Variants in SCAPER observed in about 807,000 individuals in gnomAD.
SCAPER encodes the protein S phase cyclin A-associated protein in the endoplasmic reticulum.
SCAPER carries 98 observed loss-of-function variants against 182.2 expected under a neutral mutation model. The observed-to-expected ratio is 0.54, with a 90% CI of 0.46 to 0.64. The LOEUF (loss-of-function observed/expected upper bound fraction) is 0.64. SCAPER is among the 30% of genes least tolerant of loss of function. SCAPER has a pLI of 0.00. For missense variants in SCAPER, 1,432 were observed against 1,690.0 expected (o/e 0.85, Z 2.68); for synonymous variants, 605 against 564.6 (o/e 1.07, Z -1.01).
At chr15:76,559,955 CAT>C (rs767585916) in intron 23 of SCAPER, among the ~76,000 whole-genome samples, 8 of 152,002 alleles carry the variant, frequency 5.3e-5, no homozygotes, top group Non-Finnish European at 1.2e-4. Flanking sequence ...TATGGGTATG[CAT>C]ATGTTTACTA....
intron 10 of SCAPER, among the ~76,000 whole-genome samples, chr15:76,768,660 G>A (rs937764820): frequency 2.6e-5 from 4 of 151,992 alleles, no homozygotes; most frequent in Admixed American, 6.6e-5. Context: ...TGTATTATAC[G>A]TAAATTATGA....
At chr15:76,897,686 G>T (rs2074514085) in intron 1 of SCAPER, among the ~76,000 whole-genome samples, 1 of 152,118 alleles carries the variant, frequency 6.6e-6, no homozygotes, top group South Asian at 2.1e-4. Context: ...CAGCCTGGGT[G>T]ACAGAGACTC....
chr15:76,813,256 C>CAA (rs1378306173), intron 5 of SCAPER, among the ~76,000 whole-genome samples: 1 of 33,260 alleles, frequency 3.0e-5, no homozygotes, highest in African/African-American at 8.5e-5. Context: ...AAAAAAAAAA[C>CAA]AACTCAACAA....
chr15:76,779,711 TAAA>T (rs35003637), intron 8 of SCAPER, among the ~76,000 whole-genome samples: 1 of 149,094 alleles, frequency 6.7e-6, no homozygotes, highest in East Asian at 1.9e-4. Flanking sequence ...GTTACTCTGT[TAAA>T]AAAAAAAAAT....
intron 5 of SCAPER, among the ~76,000 whole-genome samples, chr15:76,806,236 C>T (rs867842335): frequency 1.3e-5 from 2 of 152,236 alleles, no homozygotes; most frequent in South Asian, 2.1e-4. Context: ...AGGTAAAAAT[C>T]CAAATTCATT....
chr15:76,406,986 T>C lies in SCAPER; in HGVS notation c.3312-2307A>G, dbSNP rs2044894671. 4.6e-5 allele frequency among the ~76,000 whole-genome samples: 7 copies of C among 152,148 alleles called. No individual in the cohort carries two copies. The South Asian group carries it at 1.4e-3, about 31-fold the overall frequency. On this transcript the variant is annotated intron_variant, in intron 26 of 31. Transcript: ENST00000563290. The stretch of plus-strand genomic sequence containing the variant: ...ATCTTTCCACTGGGGATATCTAAAC[T>C]AAAATATGTAACTCTGGGGGTGCTG...
At chr15:76,380,506 C>G (rs1370146115) in intron 28 of SCAPER, 1 of 152,082 alleles carries the variant, frequency 6.6e-6, no homozygotes, top group Non-Finnish European at 1.5e-5. Flanking sequence ...AAGTATTCTT[C>G]TCATCTCAGA....
intron 3 of SCAPER, among the ~76,000 whole-genome samples, chr15:76,860,923 C>CTCCCA (rs1230065411): frequency 6.6e-6 from 1 of 152,090 alleles, no homozygotes; most frequent in Admixed American, 6.6e-5. Flanking sequence ...GTTAAAGGGT[C>CTCCCA]TCCCATTTGA....
chr15:76,868,658 A>G (rs2072475682), intron 2 of SCAPER, among the ~76,000 whole-genome samples: 1 of 152,222 alleles, frequency 6.6e-6, no homozygotes, highest in African/African-American at 2.4e-5. Context: ...TAAAAAATGG[A>G]AAGATATTTC....
At chr15:76,536,138 T>C (rs369124785) in intron 23 of SCAPER, among the ~76,000 whole-genome samples, 2 of 152,328 alleles carry the variant, frequency 1.3e-5, no homozygotes, top group South Asian at 2.1e-4. Context: ...CTTGTGTAAA[T>C]ATATGATGCT....
At chr15:76,366,348 T>G (rs1200730060) in intron 29 of SCAPER, among the ~76,000 whole-genome samples, 27 of 152,200 alleles carry the variant, frequency 1.8e-4, no homozygotes, top group Admixed American at 1.8e-3. Context: ...GCTGATAGGT[T>G]TTCTGGTCAT....
intron 23 of SCAPER, among the ~76,000 whole-genome samples, chr15:76,525,399 T>C (rs1401975266): frequency 6.6e-6 from 1 of 152,198 alleles, no homozygotes; most frequent in Non-Finnish European, 1.5e-5. Context: ...TTTCAACTTT[T>C]ATTTTAGATA....
At chr15:76,868,306 T>C (rs992467887) in intron 2 of SCAPER, among the ~76,000 whole-genome samples, 3 of 152,028 alleles carry the variant, frequency 2.0e-5, no homozygotes, top group African/African-American at 4.8e-5. Flanking sequence ...GGCAGGAGAA[T>C]TGCTTCAGCC....
intron 17 of SCAPER, among the ~76,000 whole-genome samples, chr15:76,720,418 A>T (rs1176818775): frequency 6.6e-6 from 1 of 152,184 alleles, no homozygotes; most frequent in African/African-American, 2.4e-5. Context: ...TAGCAGCATG[A>T]TTTATAATCC....
intron 22 of SCAPER, among the ~76,000 whole-genome samples, chr15:76,577,207 A>T (rs2047895844): frequency 6.6e-6 from 1 of 152,056 alleles, no homozygotes; most frequent in South Asian, 2.1e-4. Flanking sequence ...GTGCTTTGGG[A>T]GGCTGAGGCA....
intron 21 of SCAPER, among the ~76,000 whole-genome samples, chr15:76,641,966 G>C (rs139112588): frequency 6.4e-4 from 98 of 152,242 alleles, no homozygotes; most frequent in African/African-American, 2.2e-3. Context: ...CCAATTAATA[G>C]CTATGAAGTT....
At chr15:76,686,478 C>T (rs185766617) in intron 20 of SCAPER, among the ~76,000 whole-genome samples, 4 of 152,058 alleles carry the variant, frequency 2.6e-5, no homozygotes, top group African/African-American at 9.6e-5. Flanking sequence ...ATTGGTGCAA[C>T]CAATTAGAAA....
intron 11 of SCAPER, 128 bp from the exon 12 acceptor site, chr15:76,765,766 G>A: frequency 1.3e-6 from 1 of 764,310 alleles, no homozygotes. Flanking sequence ...TTGAAAACCA[G>A]GAAAAAGGTA....
intron 20 of SCAPER, among the ~76,000 whole-genome samples, chr15:76,688,843 C>CTTTTTTTTTTTT (rs71143353): frequency 1.1e-5 from 1 of 92,368 alleles, no homozygotes; most frequent in Non-Finnish European, 2.1e-5. Context: ...AAATGCCTCT[C>CTTTTTTTTTTTT]TTTTTTTTTT....
Sources: gnomAD v4.1 joint callset for allele counts (sites outside exome capture counted in the v4.1 genomes callset) on GRCh38, gnomAD v4.1.1 for gene constraint, MANE v1.5 for transcripts, NCBI Gene and HGNC (gene_info 2026-07-23, HGNC 2026-07-21) for gene names.